Variants in BNIP3L observed in about 807,000 individuals in gnomAD.
The protein encoded by BNIP3L is BCL2 interacting protein 3 like.
Under a neutral mutation model 25.5 loss-of-function variants are expected in BNIP3L, and 10 were observed. The ratio of observed to expected loss-of-function variants is 0.39; its 90% CI spans 0.24 to 0.67. The LOEUF is 0.67. Ranked by LOEUF, BNIP3L falls within the 30% of genes least tolerant of loss-of-function variation. The probability of loss-of-function intolerance (pLI) is 0.45; values close to 1 mark genes in which losing one functional copy is unlikely to be tolerated. For synonymous variants in BNIP3L, 113 were observed against 101.2 expected, an observed-to-expected ratio of 1.12 and a Z score of -0.70; for missense variants, 215 against 270.9, an observed-to-expected ratio of 0.79 and a Z score of 1.45.
In BNIP3L at chr8:26,395,291, C is replaced by A. The variant is rs1398248168; in HGVS notation, c.346C>A (p.His116Asn). ...FDVEMHTSRDHSSQSEEEVVE... is the reference protein window; with the variant it reads ...FDVEMHTSRDNSSQSEEEVVE... ...TGTGGAAATGCACACCAGCAGGGACCATAGCTCTCAGGTGTGTCGGGGGGA... is the reference window on the plus strand; with the variant it reads ...TGTGGAAATGCACACCAGCAGGGACAATAGCTCTCAGGTGTGTCGGGGGGA... The change falls in exon 3 of 6, where the codon CAT becomes AAT. Residue 116 changes from histidine to asparagine, a missense_variant. By Grantham distance (68) the His-to-Asn change is moderately conservative. Around this residue, in one of 4 missense-constraint regions of BNIP3L, gnomAD observed 47 missense variants for 43.3 expected, o/e 1.09. Transcript: ENST00000380629. 6.2e-7 allele frequency: 1 copy of A among 1,613,908 alleles called. No homozygotes were observed. Among genetic ancestry groups the A allele is most frequent in the Non-Finnish European group, 8.5e-7 (1 of 1,179,888 alleles).
At chr8:26,400,735 C>A (rs1806350653) in intron 3 of BNIP3L, among the ~76,000 whole-genome samples, 1 of 62,734 alleles carries the variant, frequency 1.6e-5, no homozygotes. Flanking sequence ...AACAAACAAC[C>A]CCATCAAAAA....
chr8:26,404,050 C>G (rs1806448747), intron 3 of BNIP3L, among the ~76,000 whole-genome samples: 1 of 152,164 alleles, frequency 6.6e-6, no homozygotes, highest in Admixed American at 6.5e-5. Flanking sequence ...CTCACAAAGC[C>G]ATGAGAATGA....
intron 2 of BNIP3L, among the ~76,000 whole-genome samples, chr8:26,394,145 G>C (rs1229188582): frequency 6.6e-6 from 1 of 152,072 alleles, no homozygotes; most frequent in African/African-American, 2.4e-5. Context: ...TTTTATACAA[G>C]AAATCATTAA....
chr8:26,383,787 A>G (rs975523384), intron 1 of BNIP3L, among the ~76,000 whole-genome samples: 4 of 151,886 alleles, frequency 2.6e-5, no homozygotes, highest in Non-Finnish European at 5.9e-5. Flanking sequence ...AGGAAAATTC[A>G]TTTGCTCGTC....
At chr8:26,394,635 G>A (rs934639255) in intron 2 of BNIP3L, among the ~76,000 whole-genome samples, 2 of 152,164 alleles carry the variant, frequency 1.3e-5, no homozygotes, top group African/African-American at 4.8e-5. Context: ...AAGCTTAATA[G>A]AAGACAGCTG....
intron 1 of BNIP3L, among the ~76,000 whole-genome samples, chr8:26,386,868 C>T (rs2117463664): frequency 6.6e-6 from 1 of 152,218 alleles, no homozygotes; most frequent in East Asian, 1.9e-4. Flanking sequence ...TGCAAAAAGA[C>T]CAACTTTTCA....
In BNIP3L at chr8:26,410,609, G is replaced by T; in HGVS notation, c.*197G>T. 4.9e-6 allele frequency: 3 copies of T among 611,698 alleles called. No homozygotes were observed. The highest frequency in any genetic ancestry group is 3.0e-5 in the Admixed American group (1 of 33,174). 37.9% of individuals were successfully genotyped at this position (611,698 alleles called of 1,614,324 possible). A position where few individuals can be genotyped will look rare whatever the true frequency, so the allele number is the denominator to read the frequency against. Reference sequence around the variant, plus strand: ...ATTTTACTAACCTTATACCCTTTTTGGCCTGAAGACATTTTAGAATTTCCT... The same window carrying T: ...ATTTTACTAACCTTATACCCTTTTTTGCCTGAAGACATTTTAGAATTTCCT... On this transcript the variant is annotated 3_prime_UTR_variant, in exon 6 of 6. Coordinates refer to ENST00000380629, the MANE Select transcript of BNIP3L (RefSeq NM_004331.3).
At chr8:26,401,361 A>G (rs892649623) in intron 3 of BNIP3L, among the ~76,000 whole-genome samples, 8 of 149,714 alleles carry the variant, frequency 5.3e-5, no homozygotes, top group African/African-American at 2.0e-4. Context: ...GTGGGAATTG[A>G]ACAATGAGAT....
At chr8:26,403,555 C>T (rs1168110795) in intron 3 of BNIP3L, among the ~76,000 whole-genome samples, 4 of 146,372 alleles carry the variant, frequency 2.7e-5, no homozygotes, top group Admixed American at 1.4e-4. Context: ...TTGGAGACAG[C>T]GTCTCAGGGT....
In BNIP3L at chr8:26,396,711, A is replaced by T. The variant is rs568605756; in HGVS notation, c.357+1409A>T. 2.0e-5 allele frequency among the ~76,000 whole-genome samples: 3 copies of T among 151,560 alleles called. No individual in the cohort carries two copies. The East Asian group carries it at 5.8e-4, about 29-fold the overall frequency. On this transcript the variant is annotated intron_variant, in intron 3 of 5. Coordinates refer to ENST00000380629, the MANE Select transcript of BNIP3L (RefSeq NM_004331.3). ...AGGACATTCAAACCAAAGGCAAAGA[A>T]GTTGAAAACTGAAAAAAATTTAGAA...
Position 26,411,734 on chromosome 8 carries a change from A to G in BNIP3L, c.*1322A>G, listed in dbSNP as rs1206637579. On this transcript the variant is annotated 3_prime_UTR_variant, in exon 6 of 6. Transcript: ENST00000380629. ...ATTGTTAGAAAGCATCAGGATGACC[A>G]GTTATCTCGAGTAGATTTTCTTGGA... 1.3e-5 allele frequency: 2 copies of G among 152,774 alleles called. No individual in the cohort carries two copies. Among genetic ancestry groups the G allele is most frequent in the African/African-American group, 4.8e-5 (2 of 41,586 alleles). The allele number at this position is 152,774 out of a possible 1,614,324, so 9.5% of individuals were successfully genotyped here.
At chr8:26,388,021 G>A (rs904313648) in intron 1 of BNIP3L, among the ~76,000 whole-genome samples, 3 of 152,204 alleles carry the variant, frequency 2.0e-5, no homozygotes, top group Admixed American at 2.0e-4. Flanking sequence ...CAGTATGTGT[G>A]TATGGTACAG....
intron 3 of BNIP3L, among the ~76,000 whole-genome samples, chr8:26,404,118 T>C (rs551635916): frequency 1.3e-5 from 2 of 152,224 alleles, no homozygotes; most frequent in Non-Finnish European, 2.9e-5. Context: ...AGTGTGCACT[T>C]AGGAAAAAGA....
intron 1 of BNIP3L, 67 bp downstream of exon 1, chr8:26,383,297 G>T (rs1054234239): frequency 1.4e-5 from 21 of 1,550,424 alleles, no homozygotes; most frequent in African/African-American, 2.7e-5. Context: ...CGCCGCCACC[G>T]GCGCGGCGCG....
chr8:26,384,952 A>G (rs1805958192), intron 1 of BNIP3L, among the ~76,000 whole-genome samples: 1 of 151,880 alleles, frequency 6.6e-6, no homozygotes. Context: ...TTGTATTTTC[A>G]GTAGAGAGGG....
rs1295853889 is a variant in BNIP3L, at chr8:26,410,926, A to G, written c.*514A>G. 1 of 152,242 alleles carries G rather than the reference A, an allele frequency of 6.6e-6. No homozygotes were observed. Among genetic ancestry groups the G allele is most frequent in the East Asian group, 1.9e-4 (1 of 5,210 alleles). 9.4% of individuals were successfully genotyped at this position (152,242 alleles called of 1,614,324 possible). On this transcript the variant is annotated 3_prime_UTR_variant, in exon 6 of 6. Coordinates refer to ENST00000380629, the MANE Select transcript of BNIP3L (RefSeq NM_004331.3). Reference sequence around the variant, plus strand: ...GTTGATAGTTATTAAAAAGAAAACAAAACAAAAAAAAAAGGCAAGGCACAA... The same window carrying G: ...GTTGATAGTTATTAAAAAGAAAACAGAACAAAAAAAAAAGGCAAGGCACAA...
rs1056702720 is a variant in BNIP3L at position 26,410,529 on chromosome 8, A to G, written c.*117A>G. The G allele has an allele frequency of 6.0e-6, 7 of 1,157,812 alleles. No individual in the cohort carries two copies. In the Admixed American group the frequency reaches 7.5e-5, roughly 12 times the overall value. 71.7% of individuals were successfully genotyped at this position (1,157,812 alleles called of 1,614,324 possible). ...ACCCAACCTACCACCCTGTTTTTAC[A>G]TATCCAATTCCAGTAACTCTCAAAT... On this transcript the variant is annotated 3_prime_UTR_variant, in exon 6 of 6. Coordinates refer to ENST00000380629, the MANE Select transcript of BNIP3L (RefSeq NM_004331.3).
At chr8:26,387,820 C>A (rs993768171) in intron 1 of BNIP3L, among the ~76,000 whole-genome samples, 2 of 152,180 alleles carry the variant, frequency 1.3e-5, no homozygotes, top group Non-Finnish European at 2.9e-5. Flanking sequence ...AGAATGTTCA[C>A]TGAAGCCCTA....
intron 1 of BNIP3L, chr8:26,383,509 G>T: frequency 1.1e-6 from 1 of 921,246 alleles, no homozygotes; most frequent in Non-Finnish European, 1.3e-6. Flanking sequence ...GCGGGGGGTG[G>T]TCCCCAGCAG....
Sources: gnomAD v4.1 joint callset for allele counts (sites outside exome capture counted in the v4.1 genomes callset) on GRCh38, gnomAD v4.1.1 for gene constraint, gnomAD v4.1.1 regional missense constraint, MANE v1.5 for transcripts, NCBI Gene and HGNC (gene_info 2026-07-23, HGNC 2026-07-21) for gene names.